Variants in PPP2R1A observed in about 807,000 individuals in gnomAD.
PPP2R1A encodes protein phosphatase 2 scaffold subunit Aalpha, also known as serine/threonine-protein phosphatase 2A 65 kDa regulatory subunit A alpha isoform.
In PPP2R1A, 15 loss-of-function variants were observed where a neutral mutation model predicts 67.1. The ratio of observed to expected loss-of-function variants is 0.22; its 90% confidence interval spans 0.15 to 0.34. The LOEUF (loss-of-function observed/expected upper bound fraction) is 0.34. Among genes scored for constraint, PPP2R1A ranks in the 10% least tolerant of loss-of-function variants. The probability of loss-of-function intolerance (pLI) is 1.00; values close to 1 mark genes in which losing one functional copy is unlikely to be tolerated. For missense variants in PPP2R1A, 369 were observed against 775.0 expected (o/e 0.48, Z 6.22); for synonymous variants, 337 against 325.0 (o/e 1.04, Z -0.40).
At chr19:52,202,056 G>C in intron 2 of PPP2R1A, 22 bp downstream of exon 2, 1 of 1,600,812 alleles carries the variant, frequency 6.2e-7, no homozygotes, top group Non-Finnish European at 8.6e-7. Context: ...GACCCCTGGG[G>C]CCCAGATGTG....
At position 52,205,828 on chromosome 19, in the gene PPP2R1A, TG is replaced by T. The variant is rs111401058; in HGVS notation, c.170-130del. On this transcript the variant is annotated intron_variant, in intron 2 of 14. Transcript: ENST00000322088. Reference sequence around the variant, plus strand: ...TATCTGTGGCAGCCCAGGTGGAGAGTGGGGGAGCAAGTGGGCGGATGGAAGA... The same window carrying T: ...TATCTGTGGCAGCCCAGGTGGAGAGTGGGGAGCAAGTGGGCGGATGGAAGA... 3,189 of 720,366 alleles carry T rather than the reference TG, an allele frequency of 4.4e-3. 76 individuals carry two copies. The African/African-American group carries it at 0.05, about 11-fold the overall frequency. 44.6% of individuals were successfully genotyped at this position (720,366 alleles called of 1,614,324 possible).
chr19:52,193,650 A>T (rs938321136), intron 1 of PPP2R1A, among the ~76,000 whole-genome samples: 2 of 151,406 alleles, frequency 1.3e-5, no homozygotes, highest in African/African-American at 4.9e-5. Context: ...GCTCATTGCA[A>T]CCTCCGCCTC....
chr19:52,200,002 C>T lies in PPP2R1A; in HGVS notation c.79-1942C>T, dbSNP rs566316084. Among the ~76,000 whole-genome samples, 19 of 152,344 alleles carry T rather than the reference C, an allele frequency of 1.2e-4. No individual in the cohort carries two copies. The East Asian group carries it at 2.5e-3, about 20-fold the overall frequency. ...TCACAACACTTCATCAGATGCTCAT[C>T]GTCTGTGATCGCAGAGATATTCTTC... On this transcript the variant is annotated intron_variant, in intron 1 of 14. Coordinates refer to ENST00000322088, the MANE Select transcript of PPP2R1A (RefSeq NM_014225.6).
intron 9 of PPP2R1A, among the ~76,000 whole-genome samples, chr19:52,217,375 A>AG (rs1978640283): frequency 6.6e-6 from 1 of 152,168 alleles, no homozygotes; most frequent in Non-Finnish European, 1.5e-5. Context: ...ATTTTAAAAA[A>AG]CATTTTCCAT....
chr19:52,217,266 A>G (rs1208897781), intron 9 of PPP2R1A, among the ~76,000 whole-genome samples: 3 of 152,186 alleles, frequency 2.0e-5, no homozygotes, highest in Non-Finnish European at 4.4e-5. Flanking sequence ...TGATGTGATC[A>G]TGGTCTACTG....
chr19:52,191,942 T>C (rs1482593668), intron 1 of PPP2R1A, among the ~76,000 whole-genome samples: 1 of 152,154 alleles, frequency 6.6e-6, no homozygotes, highest in African/African-American at 2.4e-5. Flanking sequence ...CACTGGTATA[T>C]AGCAGGAACA....
rs2089596627 is a variant in PPP2R1A at position 52,205,882 on chromosome 19, G to C, written c.170-81G>C. 3.5e-6 allele frequency: 4 copies of C among 1,158,774 alleles called. No individual in the cohort carries two copies. In the Admixed American group the frequency reaches 7.2e-5, roughly 21 times the overall value. The allele number at this position is 1,158,774 out of a possible 1,614,324, so 71.8% of individuals were successfully genotyped here. A position where few individuals can be genotyped will look rare whatever the true frequency, so the allele number is the denominator to read the frequency against. ...TGAGTGCTGACAGCCTGAGGAAGCA[G>C]AATGGAGTCCATGTGTTCTGAGCTT... On this transcript the variant is annotated intron_variant, in intron 2 of 14. Coordinates refer to ENST00000322088, the MANE Select transcript of PPP2R1A (RefSeq NM_014225.6).
chr19:52,214,517 T>C (rs1978444841), intron 6 of PPP2R1A, among the ~76,000 whole-genome samples: 1 of 152,180 alleles, frequency 6.6e-6, no homozygotes, highest in South Asian at 2.1e-4. Context: ...TCTTGGCACA[T>C]AGTAGACATT....
At chr19:52,207,126 G>A (rs1415135932) in intron 3 of PPP2R1A, among the ~76,000 whole-genome samples, 1 of 152,156 alleles carries the variant, frequency 6.6e-6, no homozygotes, top group Non-Finnish European at 1.5e-5. Context: ...TGTATAATTT[G>A]TGCGTATGGA....
chr19:52,205,128 C>T (rs1470356920), intron 2 of PPP2R1A, among the ~76,000 whole-genome samples: 1 of 152,202 alleles, frequency 6.6e-6, no homozygotes, highest in Admixed American at 6.5e-5. Context: ...ATGCAGTCGG[C>T]TGCTGGATTG....
intron 6 of PPP2R1A, 39 bp from the exon 7 acceptor site, chr19:52,215,740 A>C: frequency 6.4e-7 from 1 of 1,564,012 alleles, no homozygotes; most frequent in Non-Finnish European, 8.8e-7. Flanking sequence ...GTAAACTGCC[A>C]GCCCCTCTCA....
chr19:52,213,202 G>A lies in PPP2R1A; in HGVS notation c.807+92G>A, dbSNP rs1462733934. 23 of 1,407,980 alleles carry A rather than the reference G, an allele frequency of 1.6e-5. No homozygotes were observed. The South Asian group carries it at 1.7e-4, about 11-fold the overall frequency. 87.2% of individuals were successfully genotyped at this position (1,407,980 alleles called of 1,614,324 possible). ...TAGGAGCTGAGGTTTCCATTAGGCCGATGGAACCATTGGGCGTTTGAGCAA... is the reference window on the plus strand; with the variant it reads ...TAGGAGCTGAGGTTTCCATTAGGCCAATGGAACCATTGGGCGTTTGAGCAA... On this transcript the variant is annotated intron_variant, in intron 6 of 14. Coordinates refer to ENST00000322088, the MANE Select transcript of PPP2R1A (RefSeq NM_014225.6). This position sits in a 1 kb window ranked among gnomAD's most constrained non-coding sequence, Gnocchi z 4.2.
At position 52,226,622 on chromosome 19, in the gene PPP2R1A, G is replaced by A. The variant is rs1979282272; in HGVS notation, c.*641G>A. On this transcript the variant is annotated 3_prime_UTR_variant, in exon 15 of 15. Coordinates refer to ENST00000322088, the MANE Select transcript of PPP2R1A (RefSeq NM_014225.6). ...GAGGTGCTCTGGGTGGTGTCCTGTA[G>A]TGCAGTTCAGATTCATAGATGTCGG... 5.4e-6 allele frequency: 1 copy of A among 185,146 alleles called. No homozygotes were observed. The highest frequency in any genetic ancestry group is 2.0e-4 in the South Asian group (1 of 5,108). The allele number at this position is 185,146 out of a possible 1,614,324, so 11.5% of individuals were successfully genotyped here.
intron 3 of PPP2R1A, among the ~76,000 whole-genome samples, chr19:52,206,427 A>T (rs2089602819): frequency 6.6e-6 from 1 of 152,178 alleles, no homozygotes; most frequent in African/African-American, 2.4e-5. Context: ...CAATGGGGTT[A>T]TGAAAACCTT....
chr19:52,200,883 A>G (rs554476058), intron 1 of PPP2R1A, among the ~76,000 whole-genome samples: 1 of 151,980 alleles, frequency 6.6e-6, no homozygotes, highest in African/African-American at 2.4e-5. Context: ...TCCGTTTAGG[A>G]TGATATTATC....
intron 3 of PPP2R1A, among the ~76,000 whole-genome samples, chr19:52,207,360 T>C (rs2089614948): frequency 6.6e-6 from 1 of 152,228 alleles, no homozygotes. Context: ...ACATTATTTT[T>C]ATGAAACCGC....
chr19:52,226,168 C>A lies in PPP2R1A; in HGVS notation c.*187C>A. 2.2e-6 allele frequency: 2 copies of A among 901,142 alleles called. No individual in the cohort carries two copies. The highest frequency in any genetic ancestry group is 3.4e-6 in the Non-Finnish European group (2 of 591,944). The allele number at this position is 901,142 out of a possible 1,614,324, so 55.8% of individuals were successfully genotyped here. ...AGATGTCTCACTGTCCACCTCCCAACGGGCTAGGGGAGCACGGGGTTGGAC... is the reference window on the plus strand; with the variant it reads ...AGATGTCTCACTGTCCACCTCCCAAAGGGCTAGGGGAGCACGGGGTTGGAC... On this transcript the variant is annotated 3_prime_UTR_variant, in exon 15 of 15. Coordinates refer to ENST00000322088, the MANE Select transcript of PPP2R1A (RefSeq NM_014225.6).
rs1268370492 is a variant in PPP2R1A at position 52,210,772 on chromosome 19, G to A, written c.271-488G>A. Among the ~76,000 whole-genome samples the A allele has an allele frequency of 4.6e-5, 7 of 152,148 alleles. No individual in the cohort carries two copies. The East Asian group carries it at 9.7e-4, about 21-fold the overall frequency. ...CTCCCATAGTGCTGGGATTACAGGC[G>A]TGAGCCACTGCGCCCGGCCCGTTTT... On this transcript the variant is annotated intron_variant, in intron 3 of 14. Coordinates refer to ENST00000322088, the MANE Select transcript of PPP2R1A (RefSeq NM_014225.6).
rs1471455540 is a variant in PPP2R1A at position 52,213,601 on chromosome 19, G to A, written c.807+491G>A. On this transcript the variant is annotated intron_variant, in intron 6 of 14. Transcript: ENST00000322088. This position sits in a 1 kb window ranked among gnomAD's most constrained non-coding sequence, Gnocchi z 4.2. ...GGGTGCAGGCATTTCTCCTGCCTCAGCCTCCTGAGGGACTGGGATTACAGA... is the reference window on the plus strand; with the variant it reads ...GGGTGCAGGCATTTCTCCTGCCTCAACCTCCTGAGGGACTGGGATTACAGA... Among the ~76,000 whole-genome samples the A allele has an allele frequency of 6.6e-6, 1 of 151,098 alleles. No individual in the cohort carries two copies. Among genetic ancestry groups the A allele is most frequent in the East Asian group, 2.0e-4 (1 of 5,086 alleles).
Sources: gnomAD v4.1 joint callset for allele counts (sites outside exome capture counted in the v4.1 genomes callset) on GRCh38, gnomAD v4.1.1 for gene constraint, Gnocchi (gnomAD v3.1) non-coding constraint, MANE v1.5 for transcripts, NCBI Gene and HGNC (gene_info 2026-07-23, HGNC 2026-07-21) for gene names.